Variants in ELAVL1 observed in about 807,000 individuals in gnomAD.
ELAVL1 encodes the protein ELAV like RNA binding protein 1, also known as ELAV-like protein 1.
Under a neutral mutation model 28.4 loss-of-function variants are expected in ELAVL1, and 1 was observed. The ratio of observed to expected loss-of-function variants is 0.04; its 90% CI spans 0.01 to 0.17. ELAVL1 has a LOEUF of 0.17. ELAVL1 is among the 10% of genes least tolerant of loss of function. The pLI is 1.00. For synonymous variants in ELAVL1, 174 were observed against 183.5 expected (o/e 0.95, Z 0.42); for missense variants, 157 against 447.2 (o/e 0.35, Z 5.85).
At chr19:7,980,672 G>A (rs370918556) in intron 3 of ELAVL1, among the ~76,000 whole-genome samples, 20 of 152,306 alleles carry the variant, frequency 1.3e-4, no homozygotes, top group African/African-American at 4.3e-4. Context: ...CCCGACCCAC[G>A]GGGGCACTGA....
In ELAVL1 at chr19:7,963,349, A is replaced by T; in HGVS notation, c.*134T>A. The T allele has an allele frequency of 1.9e-6, 2 of 1,058,688 alleles. No homozygotes were observed. Among genetic ancestry groups the T allele is most frequent in the Non-Finnish European group, 2.7e-6 (2 of 743,120 alleles). The allele number at this position is 1,058,688 out of a possible 1,614,324, so 65.6% of individuals were successfully genotyped here. On this transcript the variant is annotated 3_prime_UTR_variant, in exon 6 of 6. Coordinates refer to ENST00000407627, the MANE Select transcript of ELAVL1 (RefSeq NM_001419.3). This position sits in a 1 kb window ranked among gnomAD's most constrained non-coding sequence, Gnocchi z 4.5. Reference sequence around the variant, plus strand: ...GTCGGTTGCATCCCAGAGTATAAAAACCTTCTCACTTCTCATTCAGACAAA... The same window carrying T: ...GTCGGTTGCATCCCAGAGTATAAAATCCTTCTCACTTCTCATTCAGACAAA...
At chr19:8,003,616 C>T (rs1343433771) in intron 1 of ELAVL1, among the ~76,000 whole-genome samples, 2 of 144,824 alleles carry the variant, frequency 1.4e-5, no homozygotes, top group South Asian at 4.4e-4. Context: ...GGCGTGAACC[C>T]GGGAGGCGGA....
intron 1 of ELAVL1, among the ~76,000 whole-genome samples, chr19:7,997,539 G>A (rs2081053659): frequency 6.6e-6 from 1 of 152,162 alleles, no homozygotes; most frequent in Admixed American, 6.6e-5. Flanking sequence ...CTGTTTGTGG[G>A]AGAGCGAACT....
intron 4 of ELAVL1, 53 bp from the exon 5 acceptor site, chr19:7,967,843 C>T: frequency 6.3e-7 from 1 of 1,579,294 alleles, no homozygotes; most frequent in Non-Finnish European, 8.6e-7. Context: ...CTAGGACTTT[C>T]AAAACTGAAA....
chr19:7,964,919 T>G (rs1369461074), intron 5 of ELAVL1, among the ~76,000 whole-genome samples: 1 of 152,196 alleles, frequency 6.6e-6, no homozygotes, highest in Non-Finnish European at 1.5e-5. Context: ...CAGAGAAGCA[T>G]TACCTGCTCC....
At chr19:7,991,935 T>A in intron 1 of ELAVL1, 104 bp from the exon 2 acceptor site, 1 of 966,882 alleles carries the variant, frequency 1.0e-6, no homozygotes, top group Non-Finnish European at 1.4e-6. Flanking sequence ...TTTCTTTCTT[T>A]TTTTTTTTTT....
intron 4 of ELAVL1, among the ~76,000 whole-genome samples, chr19:7,970,500 C>T (rs1407599469): frequency 2.6e-5 from 4 of 152,156 alleles, no homozygotes; most frequent in East Asian, 1.9e-4. Context: ...AGGCAGGTCT[C>T]GAACTGCTGA....
intron 1 of ELAVL1, among the ~76,000 whole-genome samples, chr19:7,994,844 C>G (rs1223733997): frequency 1.3e-5 from 2 of 152,178 alleles, no homozygotes; most frequent in African/African-American, 4.8e-5. Context: ...GTTTCAGCTA[C>G]TCGGGAGACA....
At chr19:7,995,006 G>A (rs543233767) in intron 1 of ELAVL1, among the ~76,000 whole-genome samples, 1 of 152,274 alleles carries the variant, frequency 6.6e-6, no homozygotes, top group East Asian at 1.9e-4. Flanking sequence ...TGGTTCATAA[G>A]AGTATAAAAC....
In ELAVL1 at chr19:7,967,573, C is replaced by CGAA; in HGVS notation, c.647_648insTTC (p.Gln216delinsHisSer). ...GCACCCTCCCGACCCACCTGAATCT[C>CGAA]TGCGCCTGGTGGTGAACGGGGCCTC... On this transcript the variant is annotated protein_altering_variant, in exon 5 of 6. Transcript: ENST00000407627. 6.2e-7 allele frequency: 1 copy of CGAA among 1,613,838 alleles called. No individual in the cohort carries two copies. The highest frequency in any genetic ancestry group is 8.5e-7 in the Non-Finnish European group (1 of 1,179,894).
Position 8,003,686 on chromosome 19 carries a change from C to G in ELAVL1, c.-17+1809G>C, listed in dbSNP as rs575870024. On this transcript the variant is annotated intron_variant, in intron 1 of 5. Coordinates refer to ENST00000407627, the MANE Select transcript of ELAVL1 (RefSeq NM_001419.3). ...CAGCCTGGGCGGCAGAGTGAGACTC[C>G]GTCTCAAAAAAAAAAAAAAAAAAGA... 2.1e-3 allele frequency among the ~76,000 whole-genome samples: 271 copies of G among 128,666 alleles called. 1 individual carries two copies. The highest frequency in any genetic ancestry group is 7.9e-3 in the African/African-American group (264 of 33,484). The allele number at this position is 128,666 out of a possible 152,430, so 84.4% of individuals were successfully genotyped here.
rs1984803098 is a variant in ELAVL1 at position 7,961,337 on chromosome 19, C to T, written c.*2146G>A. 6.8e-6 allele frequency: 1 copy of T among 146,152 alleles called. No homozygotes were observed. Among genetic ancestry groups the T allele is most frequent in the South Asian group, 2.1e-4 (1 of 4,654 alleles). The allele number at this position is 146,152 out of a possible 1,614,324, so 9.1% of individuals were successfully genotyped here. ...CAGAAGGGTGTTGGCTCCCACCTTC[C>T]ATCAGAAGGGTGTTGGCTCCCACCT... is the stretch of plus-strand genomic sequence containing the variant. On this transcript the variant is annotated 3_prime_UTR_variant, in exon 6 of 6. Transcript: ENST00000407627.
Position 7,982,959 on chromosome 19 carries a change from C to G in ELAVL1, c.173-1773G>C, listed in dbSNP as rs915955066. Among the ~76,000 whole-genome samples the G allele has an allele frequency of 6.6e-6, 1 of 152,170 alleles. No homozygotes were observed. The highest frequency in any genetic ancestry group is 1.5e-5 in the Non-Finnish European group (1 of 68,036). On this transcript the variant is annotated intron_variant, in intron 2 of 5. Coordinates refer to ENST00000407627, the MANE Select transcript of ELAVL1 (RefSeq NM_001419.3). The surrounding 1 kb of genome is among the most constrained non-coding windows in gnomAD (Gnocchi z 4.3). ...GTGACTTATGGCTGCTGGTGCTGAC[C>G]GTGATCACTGGGCCGAGGCAGTCAG...
chr19:7,966,554 G>A (rs1984960065), intron 5 of ELAVL1, among the ~76,000 whole-genome samples: 1 of 152,188 alleles, frequency 6.6e-6, no homozygotes, highest in South Asian at 2.1e-4. Flanking sequence ...AAGAATGCTG[G>A]AAGATCTACT....
chr19:8,003,691 CAA>C (rs35438998), intron 1 of ELAVL1, among the ~76,000 whole-genome samples: 19 of 80,716 alleles, frequency 2.4e-4, no homozygotes, highest in Admixed American at 2.7e-4. Flanking sequence ...GACTCCGTCT[CAA>C]AAAAAAAAAA....
At chr19:7,971,909 G>A (rs942188173) in intron 4 of ELAVL1, among the ~76,000 whole-genome samples, 1 of 152,228 alleles carries the variant, frequency 6.6e-6, no homozygotes, top group Non-Finnish European at 1.5e-5. Flanking sequence ...AGGACAATGT[G>A]CATGCCCCTC....
rs1238118501 is a variant in ELAVL1, at chr19:7,979,701, T to C, written c.276+1382A>G. 6.6e-6 allele frequency among the ~76,000 whole-genome samples: 1 copy of C among 152,150 alleles called. No homozygotes were observed. Among genetic ancestry groups the C allele is most frequent in the Non-Finnish European group, 1.5e-5 (1 of 68,006 alleles). On this transcript the variant is annotated intron_variant, in intron 3 of 5. Coordinates refer to ENST00000407627, the MANE Select transcript of ELAVL1 (RefSeq NM_001419.3). This position sits in a 1 kb window ranked among gnomAD's most constrained non-coding sequence, Gnocchi z 5.4. Reference sequence around the variant, plus strand: ...GGAAGGTGCCTCTGAGGACCTGCACTGGACACGAGGAGGCAGGAGTGGCGC... The same window carrying C: ...GGAAGGTGCCTCTGAGGACCTGCACCGGACACGAGGAGGCAGGAGTGGCGC...
Position 7,999,588 on chromosome 19 carries a change from G to A in ELAVL1, c.-17+5907C>T, listed in dbSNP as rs991940771. On this transcript the variant is annotated intron_variant, in intron 1 of 5. Coordinates refer to ENST00000407627, the MANE Select transcript of ELAVL1 (RefSeq NM_001419.3). ...GAGTCCCCAGGCAAAGCCAGGGTGT[G>A]TCACACAGCAGTACAGGAGGCTGCT... 2.0e-5 allele frequency among the ~76,000 whole-genome samples: 3 copies of A among 152,276 alleles called. No homozygotes were observed. In the East Asian group the frequency reaches 5.8e-4, roughly 29 times the overall value.
chr19:7,991,932 CTT>C (rs398033838), intron 1 of ELAVL1, 101 bp from the exon 2 acceptor site: 4,274 of 640,390 alleles, frequency 6.7e-3, no homozygotes, highest in South Asian at 0.011. Flanking sequence ...TTCTTTCTTT[CTT>C]TTTTTTTTTT....
Sources: allele counts gnomAD v4.1 joint callset (sites outside exome capture counted in the v4.1 genomes callset), GRCh38; gene constraint gnomAD v4.1.1; non-coding constraint Gnocchi (gnomAD v3.1); transcripts MANE v1.5; gene names NCBI Gene and HGNC (gene_info 2026-07-23, HGNC 2026-07-21).